The following SUSD4 variants were observed in gnomAD, a reference collection of about 807,000 sequenced individuals.
SUSD4 encodes the protein sushi domain-containing protein 4.
SUSD4 carries 41 observed loss-of-function variants against 50.5 expected under a neutral mutation model. The ratio of observed to expected loss-of-function variants is 0.81; its 90% CI spans 0.63 to 1.05. The LOEUF is 1.05. Ranked by LOEUF, SUSD4 falls within the 50% of genes least tolerant of loss-of-function variation. SUSD4 has a pLI of 0.00. For synonymous variants in SUSD4, 257 were observed against 257.3 expected (o/e 1.00, Z 0.01); for missense variants, 580 against 634.7 (o/e 0.91, Z 0.93).
intron 2 of SUSD4, among the ~76,000 whole-genome samples, chr1:223,298,183 AATGG>A (rs926173006): frequency 6.6e-6 from 1 of 151,518 alleles, no homozygotes; most frequent in African/African-American, 2.4e-5. Context: ...CAGATAGATG[AATGG>A]ATGGATGGAT....
chr1:223,236,206 T>C (rs1660209969), intron 5 of SUSD4, among the ~76,000 whole-genome samples: 1 of 152,262 alleles, frequency 6.6e-6, no homozygotes, highest in South Asian at 2.1e-4. Context: ...GTTTGTGTTC[T>C]TGTTGTAGAC....
At chr1:223,235,591 T>A (rs1473521439) in intron 5 of SUSD4, among the ~76,000 whole-genome samples, 3 of 134,982 alleles carry the variant, frequency 2.2e-5, no homozygotes, top group African/African-American at 8.4e-5. Context: ...TTTTCCAAAA[T>A]GTCATATAGT....
intron 5 of SUSD4, among the ~76,000 whole-genome samples, chr1:223,236,557 T>G (rs1022693942): frequency 2.9e-4 from 44 of 152,054 alleles, no homozygotes; most frequent in African/African-American, 1.0e-3. Flanking sequence ...TTTTTTTTTT[T>G]TTGTTTTTGT....
chr1:223,247,390 CCAG>C (rs1661011937), intron 5 of SUSD4, among the ~76,000 whole-genome samples: 1 of 152,216 alleles, frequency 6.6e-6, no homozygotes, highest in Admixed American at 6.5e-5. Flanking sequence ...CACCCTGAAG[CCAG>C]CAGAGCTTCC....
intron 2 of SUSD4, among the ~76,000 whole-genome samples, chr1:223,337,121 G>C (rs2103288446): frequency 6.6e-6 from 1 of 152,332 alleles, no homozygotes; most frequent in East Asian, 1.9e-4. Flanking sequence ...AAAATCAGCA[G>C]AATGCATAAA....
intron 2 of SUSD4, among the ~76,000 whole-genome samples, chr1:223,353,757 G>A (rs1668498270): frequency 6.6e-6 from 1 of 152,078 alleles, no homozygotes; most frequent in Non-Finnish European, 1.5e-5. Flanking sequence ...GCAGCAGCAG[G>A]GATGACGCCC....
chr1:223,261,750 G>C (rs938586245), intron 5 of SUSD4, among the ~76,000 whole-genome samples: 3 of 152,200 alleles, frequency 2.0e-5, no homozygotes, highest in African/African-American at 7.2e-5. Flanking sequence ...TATTCACAGA[G>C]AGTCATGCTA....
intron 7 of SUSD4, among the ~76,000 whole-genome samples, chr1:223,225,759 C>T (rs1659477322): frequency 6.6e-6 from 1 of 152,164 alleles, no homozygotes; most frequent in Non-Finnish European, 1.5e-5. Flanking sequence ...TAACAGTCCA[C>T]ACCCAGGATA....
At chr1:223,359,904 AAC>A (rs1175124761) in intron 2 of SUSD4, among the ~76,000 whole-genome samples, 2 of 151,316 alleles carry the variant, frequency 1.3e-5, no homozygotes, top group Non-Finnish European at 2.9e-5. Context: ...AGGTAAAAAT[AAC>A]ATTTATGCAA....
chr1:223,321,011 AT>A (rs1435368929), intron 2 of SUSD4, among the ~76,000 whole-genome samples: 1 of 152,086 alleles, frequency 6.6e-6, no homozygotes, highest in Non-Finnish European at 1.5e-5. Flanking sequence ...GATCTTCCGA[AT>A]TTCAATCCTG....
Position 223,362,939 on chromosome 1 carries a change from C to T in SUSD4, c.148+339G>A, listed in dbSNP as rs1455713941. 7.4e-3 allele frequency among the ~76,000 whole-genome samples: 142 copies of T among 19,224 alleles called. 4 individuals are homozygous for T. Among genetic ancestry groups the T allele is most frequent in the African/African-American group, 0.016 (136 of 8,614 alleles). The allele number at this position is 19,224 out of a possible 152,430, so 12.6% of individuals were successfully genotyped here. The stretch of plus-strand genomic sequence containing the variant: ...ACCACTCCCCACTGCCCCCACCCCC[C>T]ACCCCTCCCCCCCCCGCCCCCGCTT... On this transcript the variant is annotated intron_variant, in intron 2 of 8. Coordinates refer to ENST00000366878, the MANE Select transcript of SUSD4 (RefSeq NM_017982.4).
intron 3 of SUSD4, among the ~76,000 whole-genome samples, chr1:223,281,430 C>T (rs1358780832): frequency 1.3e-5 from 2 of 152,150 alleles, no homozygotes; most frequent in African/African-American, 2.4e-5. Context: ...CACAGAAATA[C>T]AAACTACCAT....
intron 2 of SUSD4, among the ~76,000 whole-genome samples, chr1:223,312,865 G>A (rs17577742): frequency 0.17 from 26,460 of 152,096 alleles, 2,912 homozygotes; most frequent in Non-Finnish European, 0.25. Flanking sequence ...CATTTCCAGC[G>A]TAGGAACACA....
intron 5 of SUSD4, among the ~76,000 whole-genome samples, chr1:223,242,166 C>T (rs891468895): frequency 3.3e-5 from 5 of 152,158 alleles, no homozygotes; most frequent in African/African-American, 4.8e-5. Context: ...TGGTCTTGAA[C>T]TCCTAGGCTC....
chr1:223,252,234 A>ATATATATAT (rs1553285698), intron 5 of SUSD4, among the ~76,000 whole-genome samples: 43 of 74,322 alleles, frequency 5.8e-4, no homozygotes, highest in Non-Finnish European at 7.7e-4. Flanking sequence ...AAAAAAAAAA[A>ATATATATAT]AAATATATAT....
intron 2 of SUSD4, among the ~76,000 whole-genome samples, chr1:223,349,142 G>A (rs749156436): frequency 7.2e-5 from 11 of 152,120 alleles, no homozygotes; most frequent in Non-Finnish European, 1.6e-4. Flanking sequence ...CTGGACTCAC[G>A]AATCATTCAG....
In SUSD4 at chr1:223,224,757, C is replaced by T. The variant is rs112337487; in HGVS notation, c.1062-1126G>A. 9.4e-3 allele frequency among the ~76,000 whole-genome samples: 1,422 copies of T among 151,632 alleles called. 16 individuals are homozygous for T. Among genetic ancestry groups the T allele is most frequent in the African/African-American group, 0.032 (1,320 of 41,414 alleles). ...AACACTGCCTGATTGGAGCCCGGGG[C>T]GTCTGACATCACAGCCTGGGCTCCG... On this transcript the variant is annotated intron_variant, in intron 7 of 8. Transcript: ENST00000366878.
At position 223,221,411 on chromosome 1, in the gene SUSD4, A is replaced by G. The variant is rs1659130326; in HGVS notation, c.*781T>C. The G allele has an allele frequency of 3.9e-6, 1 of 256,084 alleles. No homozygotes were observed. The highest frequency in any genetic ancestry group is 2.2e-5 in the African/African-American group (1 of 45,362). The allele number at this position is 256,084 out of a possible 1,614,324, so 15.9% of individuals were successfully genotyped here. ...ATGAGATGTATTTGAACACATTCTG[A>G]CCATGTGTAAAAACCACCAGATTTA... On this transcript the variant is annotated 3_prime_UTR_variant, in exon 9 of 9. Transcript: ENST00000366878.
At chr1:223,362,136 C>T (rs114852779) in intron 2 of SUSD4, among the ~76,000 whole-genome samples, 420 of 152,292 alleles carry the variant, frequency 2.8e-3, no homozygotes, top group African/African-American at 9.5e-3. Flanking sequence ...GCAATAAACA[C>T]CTTTATACTC....
Sources: allele counts gnomAD v4.1 joint callset (sites outside exome capture counted in the v4.1 genomes callset), GRCh38; gene constraint gnomAD v4.1.1; transcripts MANE v1.5; gene names NCBI Gene and HGNC (gene_info 2026-07-23, HGNC 2026-07-21).